FGFR2: variants seen among roughly 807,000 people sequenced by gnomAD.
FGFR2 encodes BEK fibroblast growth factor receptor.
Under a neutral mutation model 95.9 loss-of-function variants are expected in FGFR2, and 19 were observed. The ratio of observed to expected loss-of-function variants is 0.20; its 90% CI spans 0.14 to 0.29. The LOEUF is 0.29. Ranked by LOEUF, FGFR2 falls within the 10% of genes least tolerant of loss-of-function variation. The pLI is 1.00. For missense variants in FGFR2, 707 were observed against 1,056.9 expected, an observed-to-expected ratio of 0.67 and a Z score of 4.59; for synonymous variants, 392 against 393.3, an observed-to-expected ratio of 1.00 and a Z score of 0.04.
intron 13 of FGFR2, among the ~76,000 whole-genome samples, chr10:121,492,951 T>A (rs1046261393): frequency 6.6e-6 from 1 of 152,074 alleles, no homozygotes; most frequent in Non-Finnish European, 1.5e-5. Flanking sequence ...AGGGGCCTCA[T>A]GAGAGCAGGA....
chr10:121,518,966 A>G lies in FGFR2; in HGVS notation c.939+1013T>C, dbSNP rs1013662324. 21 of 1,068,724 alleles carry G rather than the reference A, an allele frequency of 2.0e-5. No homozygotes were observed. Among genetic ancestry groups the G allele is most frequent in the Non-Finnish European group, 2.7e-5 (19 of 713,272 alleles). 66.2% of individuals were successfully genotyped at this position (1,068,724 alleles called of 1,614,324 possible). Reference sequence around the variant, plus strand: ...GCGGCATTAAAGGGCTGCGGATTTTAAAGAACAAAATCAGTCCAGTGGTGG... The same window carrying G: ...GCGGCATTAAAGGGCTGCGGATTTTGAAGAACAAAATCAGTCCAGTGGTGG... On this transcript the variant is annotated intron_variant, in intron 7 of 17. Transcript: ENST00000358487. This position sits in a 1 kb window ranked among gnomAD's most constrained non-coding sequence, Gnocchi z 4.0.
intron 7 of FGFR2, 89 bp downstream of exon 7, chr10:121,519,890 T>C (rs1228640473): frequency 7.8e-7 from 1 of 1,278,704 alleles, no homozygotes; most frequent in Non-Finnish European, 1.1e-6. Context: ...TCATCCTCTC[T>C]CAACTCCAAC....
chr10:121,571,787 T>C (rs1414566796), intron 2 of FGFR2, among the ~76,000 whole-genome samples: 1 of 150,506 alleles, frequency 6.6e-6, no homozygotes, highest in Non-Finnish European at 1.5e-5. Flanking sequence ...CTACTGAGAA[T>C]GCAAAATTAG....
intron 6 of FGFR2, among the ~76,000 whole-genome samples, chr10:121,521,442 T>G (rs957459130): frequency 8.5e-5 from 13 of 152,128 alleles, no homozygotes; most frequent in African/African-American, 3.1e-4. Context: ...CAACCACACA[T>G]GAGACTCCTC....
intron 6 of FGFR2, among the ~76,000 whole-genome samples, chr10:121,534,156 T>C (rs1852485443): frequency 7.4e-6 from 1 of 136,052 alleles, no homozygotes; most frequent in Non-Finnish European, 1.5e-5. Flanking sequence ...TGGAGTGCAA[T>C]GGCACAATCT....
At chr10:121,504,693 A>G (rs1848053293) in intron 9 of FGFR2, among the ~76,000 whole-genome samples, 1 of 152,208 alleles carries the variant, frequency 6.6e-6, no homozygotes. Context: ...CCATAACCAC[A>G]CAAGAGAACT....
chr10:121,540,792 A>G (rs892285719), intron 5 of FGFR2, among the ~76,000 whole-genome samples: 2 of 152,208 alleles, frequency 1.3e-5, no homozygotes, highest in East Asian at 1.9e-4. Context: ...TGTCATGCCC[A>G]TAAGCCCTTA....
chr10:121,486,302 C>G (rs1422904812), intron 15 of FGFR2, among the ~76,000 whole-genome samples: 1 of 152,212 alleles, frequency 6.6e-6, no homozygotes, highest in African/African-American at 2.4e-5. Context: ...ACAGGCAGAA[C>G]AGCCTCTGTG....
intron 4 of FGFR2, among the ~76,000 whole-genome samples, chr10:121,563,567 C>T (rs372007701): frequency 9.9e-5 from 15 of 152,254 alleles, no homozygotes; most frequent in African/African-American, 3.4e-4. Flanking sequence ...GCAAGTAATG[C>T]TATATTGTAT....
intron 4 of FGFR2, among the ~76,000 whole-genome samples, chr10:121,554,844 G>GA (rs1199468418): frequency 6.6e-6 from 1 of 152,084 alleles, no homozygotes; most frequent in African/African-American, 2.4e-5. Flanking sequence ...GACACACATG[G>GA]AAATGCCAGG....
chr10:121,572,139 T>C (rs1332277155), intron 2 of FGFR2, among the ~76,000 whole-genome samples: 5 of 106,212 alleles, frequency 4.7e-5, no homozygotes, highest in African/African-American at 1.9e-4. Context: ...CATAGTAAGA[T>C]CCTCTCTCCA....
chr10:121,565,128 T>A, intron 3 of FGFR2, among the ~76,000 whole-genome samples: 1 of 134,844 alleles, frequency 7.4e-6, no homozygotes, highest in African/African-American at 2.9e-5. Context: ...AAATCTTGAG[T>A]ATCCAAATTT....
At chr10:121,503,622 AT>A (rs998546067) in intron 10 of FGFR2, among the ~76,000 whole-genome samples, 167 bp downstream of exon 10, 8 of 151,526 alleles carry the variant, frequency 5.3e-5, no homozygotes, top group African/African-American at 4.9e-5. Flanking sequence ...TTTTAAATCC[AT>A]TTTTTTCTTT....
chr10:121,490,338 AT>A lies in FGFR2; in HGVS notation c.1864-2226del, dbSNP rs374993069. 3.5e-3 allele frequency among the ~76,000 whole-genome samples: 534 copies of A among 151,850 alleles called. 2 individuals are homozygous for A. Among genetic ancestry groups the A allele is most frequent in the South Asian group, 0.016 (75 of 4,802 alleles). Reference sequence around the variant, plus strand: ...CACCACCACATCAGGCTAATTTTGTATTTTTGGTAGAGATAGGGTTTCACCA... The same window carrying A: ...CACCACCACATCAGGCTAATTTTGTATTTTGGTAGAGATAGGGTTTCACCA... On this transcript the variant is annotated intron_variant, in intron 13 of 17. Transcript: ENST00000358487.
rs1207716999 is a variant in FGFR2, at chr10:121,515,137, G to A, written c.1267C>T (p.Pro423Ser). 3.7e-6 allele frequency: 6 copies of A among 1,614,044 alleles called. No homozygotes were observed. The highest frequency in any genetic ancestry group is 5.1e-6 in the Non-Finnish European group (6 of 1,180,028). ...CTTTCTGTTACCTGTCTCCGCAGGGGGATACGTTTGGTCAGCTTGTGCACA... is the reference window on the plus strand; with the variant it reads ...CTTTCTGTTACCTGTCTCCGCAGGGAGATACGTTTGGTCAGCTTGTGCACA... ...PAVHKLTKRI[P>S]LRRQVTVSAE... Residue 423 changes from proline to serine, a missense_variant, in exon 9 of 18, where the codon CCC becomes TCC. Around this residue, in one of 7 missense-constraint regions of FGFR2, gnomAD observed 194 missense variants for 267.3 expected, o/e 0.73. Coordinates refer to ENST00000358487, the MANE Select transcript of FGFR2 (RefSeq NM_000141.5).
chr10:121,586,227 G>A (rs748326612), intron 2 of FGFR2, among the ~76,000 whole-genome samples: 2 of 152,150 alleles, frequency 1.3e-5, no homozygotes, highest in East Asian at 1.9e-4. Context: ...GTTTATTAAC[G>A]TTAGAGCTCA....
In FGFR2 at chr10:121,517,657, C is replaced by T. The variant is rs995822051; in HGVS notation, c.940-194G>A. Among the ~76,000 whole-genome samples, 1 of 151,988 alleles carries T rather than the reference C, an allele frequency of 6.6e-6. No individual in the cohort carries two copies. The highest frequency in any genetic ancestry group is 2.1e-4 in the South Asian group (1 of 4,812). On this transcript the variant is annotated intron_variant, in intron 7 of 17. Coordinates refer to ENST00000358487, the MANE Select transcript of FGFR2 (RefSeq NM_000141.5). The surrounding 1 kb of genome is among the most constrained non-coding windows in gnomAD (Gnocchi z 4.7). ...ACTGACCAGCTCACCTCCACAGGCC[C>T]GTCACCACACCGGCTTCACCTCCTA...
At chr10:121,496,948 T>G (rs1343543040) in intron 12 of FGFR2, among the ~76,000 whole-genome samples, 1 of 151,208 alleles carries the variant, frequency 6.6e-6, no homozygotes, top group African/African-American at 2.4e-5. Context: ...CTGGCCAGCA[T>G]AGCGAAACCT....
chr10:121,588,961 G>C (rs1862227327), intron 2 of FGFR2, among the ~76,000 whole-genome samples: 1 of 151,112 alleles, frequency 6.6e-6, no homozygotes, highest in Non-Finnish European at 1.5e-5. Context: ...CATCTCTCAA[G>C]GAAAAAAAAA....
Sources: allele counts gnomAD v4.1 joint callset (sites outside exome capture counted in the v4.1 genomes callset), GRCh38; gene constraint gnomAD v4.1.1; regional missense constraint gnomAD v4.1.1; non-coding constraint Gnocchi (gnomAD v3.1); transcripts MANE v1.5; gene names NCBI Gene and HGNC (gene_info 2026-07-23, HGNC 2026-07-21).